Variants in COBL observed in about 807,000 individuals in gnomAD.
COBL encodes protein cordon-bleu.
In COBL, 51 loss-of-function variants were observed where a neutral mutation model predicts 98.8. The observed-to-expected ratio is 0.52, with a 90% confidence interval of 0.41 to 0.65. The LOEUF is 0.65. Among genes scored for constraint, COBL ranks in the 30% least tolerant of loss-of-function variants. COBL has a pLI of 0.00. For synonymous variants in COBL, 634 were observed against 651.7 expected (o/e 0.97, Z 0.41); for missense variants, 1,617 against 1,617.5 (o/e 1.00, Z 0.01).
chr7:51,172,538 A>C (rs1367943356), intron 5 of COBL: 1 of 1,285,584 alleles, frequency 7.8e-7, no homozygotes, highest in Non-Finnish European at 1.0e-6. Context: ...AGCCTGGAAC[A>C]CAAGCACCAG....
chr7:51,073,893 T>C (rs945208032), intron 7 of COBL, among the ~76,000 whole-genome samples: 2 of 152,140 alleles, frequency 1.3e-5, no homozygotes, highest in Non-Finnish European at 2.9e-5. Flanking sequence ...AGAATACTGG[T>C]TGATTTACTG....
At chr7:51,093,145 T>C (rs375247390) in intron 6 of COBL, among the ~76,000 whole-genome samples, 23 of 152,224 alleles carry the variant, frequency 1.5e-4, no homozygotes, top group African/African-American at 5.3e-4. Context: ...AAAAGGCTAA[T>C]AACCAAAATA....
intron 8 of COBL, chr7:51,033,655 T>C (rs1788361214): frequency 6.6e-6 from 1 of 152,258 alleles, no homozygotes; most frequent in African/African-American, 2.4e-5. Flanking sequence ...CCTTTTTCTT[T>C]AGAACTGTGC....
At chr7:51,071,469 T>A (rs1792546436) in intron 7 of COBL, 2 of 152,200 alleles carry the variant, frequency 1.3e-5, no homozygotes, top group South Asian at 4.1e-4. Context: ...CTCATGTCTT[T>A]GGCTAACTTT....
intron 5 of COBL, among the ~76,000 whole-genome samples, chr7:51,171,346 G>T (rs1339303771): frequency 6.6e-6 from 1 of 152,058 alleles, no homozygotes; most frequent in Non-Finnish European, 1.5e-5. Flanking sequence ...TTGAGGACAG[G>T]TCTCTATGTG....
chr7:51,202,497 T>G (rs968879778), intron 2 of COBL, among the ~76,000 whole-genome samples: 1 of 152,216 alleles, frequency 6.6e-6, no homozygotes, highest in Non-Finnish European at 1.5e-5. Flanking sequence ...ATATAAACTT[T>G]AGTACGATCT....
intron 1 of COBL, among the ~76,000 whole-genome samples, chr7:51,299,215 T>C (rs1419307408): frequency 6.6e-6 from 1 of 152,114 alleles, no homozygotes; most frequent in Non-Finnish European, 1.5e-5. Flanking sequence ...TGGACATCCT[T>C]AAGACACTAA....
At chr7:51,241,158 T>C (rs560566305) in intron 1 of COBL, among the ~76,000 whole-genome samples, 1 of 152,330 alleles carries the variant, frequency 6.6e-6, no homozygotes, top group East Asian at 1.9e-4. Flanking sequence ...TGTTGTTTTT[T>C]AAGGATTATT....
At chr7:51,176,613 T>C (rs1318192755) in intron 5 of COBL, among the ~76,000 whole-genome samples, 1 of 152,212 alleles carries the variant, frequency 6.6e-6, no homozygotes, top group Non-Finnish European at 1.5e-5. Flanking sequence ...GCTTAAATTC[T>C]CTCTCTGCTT....
At chr7:51,177,426 A>G (rs2129047707) in intron 5 of COBL, among the ~76,000 whole-genome samples, 1 of 152,330 alleles carries the variant, frequency 6.6e-6, no homozygotes, top group South Asian at 2.1e-4. Context: ...TAGATAAAAG[A>G]GAAACAATTT....
At chr7:51,200,107 T>C (rs1790977996) in intron 2 of COBL, among the ~76,000 whole-genome samples, 1 of 152,028 alleles carries the variant, frequency 6.6e-6, no homozygotes, top group Admixed American at 6.5e-5. Flanking sequence ...CAGGAGACAA[T>C]GGGATGATAC....
chr7:51,119,876 A>G (rs189534250), intron 6 of COBL, among the ~76,000 whole-genome samples: 118 of 152,326 alleles, frequency 7.7e-4, no homozygotes, highest in Non-Finnish European at 1.5e-3. Flanking sequence ...TTCTAAGGAA[A>G]TAGAACTCAG....
chr7:51,127,904 A>T (rs1302527314), intron 6 of COBL, among the ~76,000 whole-genome samples: 3 of 152,242 alleles, frequency 2.0e-5, no homozygotes, highest in Non-Finnish European at 4.4e-5. Flanking sequence ...GGACACTATA[A>T]CATTAAAAGG....
intron 7 of COBL, chr7:51,083,019 AAC>A: frequency 6.5e-7 from 1 of 1,530,056 alleles, no homozygotes; most frequent in South Asian, 1.2e-5. Flanking sequence ...CAGAGAGATG[AAC>A]AGTTAACACA....
Position 51,206,301 on chromosome 7 carries a change from G to C in COBL, c.246-12712C>G, listed in dbSNP as rs184152981. Among the ~76,000 whole-genome samples, 1,110 of 152,164 alleles carry C rather than the reference G, an allele frequency of 7.3e-3. 13 individuals carry two copies. The highest frequency in any genetic ancestry group is 0.026 in the African/African-American group (1,079 of 41,510). ...GAGGTCAAGAGTTCAAGACCAGCCTGGCCAACAACACAAAACCCTATCTCC... is the reference window on the plus strand; with the variant it reads ...GAGGTCAAGAGTTCAAGACCAGCCTCGCCAACAACACAAAACCCTATCTCC... On this transcript the variant is annotated intron_variant, in intron 2 of 12. Transcript: ENST00000265136.
At chr7:51,079,745 T>G (rs1477131707) in intron 7 of COBL, among the ~76,000 whole-genome samples, 1 of 152,196 alleles carries the variant, frequency 6.6e-6, no homozygotes, top group East Asian at 1.9e-4. Context: ...AATCTGCACA[T>G]GGGCTGGGTG....
At chr7:51,114,214 C>G (rs1225964503) in intron 6 of COBL, among the ~76,000 whole-genome samples, 1 of 152,066 alleles carries the variant, frequency 6.6e-6, no homozygotes, top group African/African-American at 2.4e-5. Context: ...GGGGGTGACT[C>G]CTAACACAAC....
At chr7:51,110,573 C>T (rs181504017) in intron 6 of COBL, among the ~76,000 whole-genome samples, 3 of 152,286 alleles carry the variant, frequency 2.0e-5, no homozygotes, top group Admixed American at 2.0e-4. Context: ...TATCGGGGTA[C>T]AGGTGGTATT....
intron 7 of COBL, among the ~76,000 whole-genome samples, chr7:51,082,667 C>T (rs554405996): frequency 2.2e-4 from 33 of 152,118 alleles, no homozygotes; most frequent in African/African-American, 7.2e-4. Flanking sequence ...CTCTTGAGTG[C>T]GATCTCTACA....
Sources: allele counts gnomAD v4.1 joint callset (sites outside exome capture counted in the v4.1 genomes callset), GRCh38; gene constraint gnomAD v4.1.1; transcripts MANE v1.5; gene names NCBI Gene and HGNC (gene_info 2026-07-23, HGNC 2026-07-21).